WIF1: variants seen among roughly 807,000 people sequenced by gnomAD.
The protein encoded by WIF1 is Wnt inhibitory factor 1.
In WIF1, 35 loss-of-function variants were observed where a neutral mutation model predicts 53.5. That is an observed-to-expected ratio of 0.65 (90% CI 0.50 to 0.87). The LOEUF is 0.87. WIF1 is among the 40% of genes least tolerant of loss of function. The probability of loss-of-function intolerance (pLI) is 0.00; values close to 1 mark genes in which losing one functional copy is unlikely to be tolerated. For missense variants in WIF1, 467 were observed against 476.8 expected, an observed-to-expected ratio of 0.98 and a Z score of 0.19; for synonymous variants, 171 against 170.4, an observed-to-expected ratio of 1.00 and a Z score of -0.03.
At chr12:65,075,116 G>C (rs1323252181) in intron 3 of WIF1, among the ~76,000 whole-genome samples, 1 of 152,150 alleles carries the variant, frequency 6.6e-6, no homozygotes, top group Non-Finnish European at 1.5e-5. Context: ...GGTGCTGTTG[G>C]TTACACCTGC....
chr12:65,092,474 GTGTGTGTATATATA>G (rs559255080), intron 2 of WIF1, among the ~76,000 whole-genome samples: 74 of 124,680 alleles, frequency 5.9e-4, no homozygotes, highest in African/African-American at 1.7e-3. Flanking sequence ...GTATATGTGT[GTGTGTGTATATATA>G]TGTGTGTATA....
chr12:65,088,934 A>G (rs558488663), intron 2 of WIF1, among the ~76,000 whole-genome samples: 2 of 152,296 alleles, frequency 1.3e-5, no homozygotes, highest in African/African-American at 4.8e-5. Flanking sequence ...ATGACTCAAA[A>G]AAGTTAAGAA....
chr12:65,121,115 G>A lies in WIF1; in HGVS notation c.77C>T (p.Ala26Val). 1 of 1,546,668 alleles carries A rather than the reference G, an allele frequency of 6.5e-7. No individual in the cohort carries two copies. The highest frequency in any genetic ancestry group is 2.0e-5 in the Admixed American group (1 of 50,664). The change falls in exon 1 of 10, where the codon GCG becomes GTG. Residue 26 changes from alanine (A) to valine (V), a missense_variant. Transcript: ENST00000286574. ...SILLCLLALR[A>V]EAGPPQEESL... ...CTCCTCCTGCGGCGGCCCGGCCTCC[G>A]CCCGCAGTGCCAGCAGGCACAGGAG...
intron 3 of WIF1, among the ~76,000 whole-genome samples, chr12:65,073,100 C>A (rs912843226): frequency 6.6e-6 from 1 of 152,186 alleles, no homozygotes; most frequent in African/African-American, 2.4e-5. Context: ...AGTTGAGTCC[C>A]TGTCCTTACA....
rs1226121849 is a variant in WIF1 at position 65,079,164 on chromosome 12, C to CAAAA, written c.289-1314_289-1311dup. 5.1e-3 allele frequency among the ~76,000 whole-genome samples: 409 copies of CAAAA among 79,884 alleles called. 12 individuals are homozygous for CAAAA. The highest frequency in any genetic ancestry group is 0.037 in the East Asian group (95 of 2,562). The allele number at this position is 79,884 out of a possible 152,430, so 52.4% of individuals were successfully genotyped here. Reference sequence around the variant, plus strand: ...TGGGCAACAGAGCAAGACTCCATCTCAAAAAAAAAAAAAAAAAAAAGTGAA... The same window carrying CAAAA: ...TGGGCAACAGAGCAAGACTCCATCTCAAAAAAAAAAAAAAAAAAAAAAAAGTGAA... On this transcript the variant is annotated intron_variant, in intron 2 of 9. Transcript: ENST00000286574.
intron 3 of WIF1, among the ~76,000 whole-genome samples, chr12:65,069,794 G>T (rs1234725236): frequency 6.6e-6 from 1 of 152,086 alleles, no homozygotes; most frequent in African/African-American, 2.4e-5. Context: ...GGTGAAAATG[G>T]GGCAAATCAG....
intron 3 of WIF1, among the ~76,000 whole-genome samples, chr12:65,074,817 CAAAAAAAAAAAA>C (rs758690202): frequency 3.6e-5 from 2 of 55,452 alleles, no homozygotes; most frequent in African/African-American, 1.4e-4. Context: ...CACTCTGTCT[CAAAAAAAAAAAA>C]AAAAAAAAAG....
At chr12:65,113,905 G>A (rs1883470668) in intron 2 of WIF1, among the ~76,000 whole-genome samples, 1 of 152,134 alleles carries the variant, frequency 6.6e-6, no homozygotes, top group Admixed American at 6.5e-5. Context: ...CAGAAAATGA[G>A]GCATTTCCTC....
At chr12:65,095,106 T>TG (rs1883184282) in intron 2 of WIF1, among the ~76,000 whole-genome samples, 1 of 143,638 alleles carries the variant, frequency 7.0e-6, no homozygotes, top group South Asian at 2.2e-4. Flanking sequence ...CTAATTTTTG[T>TG]ATTTTTTTTT....
chr12:65,053,814 T>C (rs937097696), intron 9 of WIF1, among the ~76,000 whole-genome samples: 1 of 151,618 alleles, frequency 6.6e-6, no homozygotes, highest in African/African-American at 2.4e-5. Flanking sequence ...ACTTAGAAAT[T>C]AGAAAGACTA....
At chr12:65,068,456 C>G (rs575445989) in intron 4 of WIF1, among the ~76,000 whole-genome samples, 1 of 152,216 alleles carries the variant, frequency 6.6e-6, no homozygotes, top group African/African-American at 2.4e-5. Context: ...GGGTGAGATA[C>G]ACTGGGACTC....
At chr12:65,088,971 A>G (rs1465693934) in intron 2 of WIF1, among the ~76,000 whole-genome samples, 1 of 152,150 alleles carries the variant, frequency 6.6e-6, no homozygotes, top group Non-Finnish European at 1.5e-5. Flanking sequence ...TGATGTTCCC[A>G]GGAAACAACT....
chr12:65,093,134 A>G (rs1467967652), intron 2 of WIF1, among the ~76,000 whole-genome samples: 1 of 152,196 alleles, frequency 6.6e-6, no homozygotes, highest in Non-Finnish European at 1.5e-5. Context: ...ACATTTTATT[A>G]TGTCAGGTTG....
chr12:65,081,296 C>T (rs919991807), intron 2 of WIF1, among the ~76,000 whole-genome samples: 1 of 152,090 alleles, frequency 6.6e-6, no homozygotes, highest in Non-Finnish European at 1.5e-5. Context: ...GAAAGTGCAG[C>T]AATTTGCATA....
At chr12:65,116,167 T>G (rs1883505757) in intron 2 of WIF1, among the ~76,000 whole-genome samples, 1 of 152,140 alleles carries the variant, frequency 6.6e-6, no homozygotes, top group African/African-American at 2.4e-5. Context: ...TATTTTGTAA[T>G]GGAATCAAAC....
chr12:65,089,155 C>T (rs931598198), intron 2 of WIF1, among the ~76,000 whole-genome samples: 27 of 152,094 alleles, frequency 1.8e-4, no homozygotes, highest in African/African-American at 6.3e-4. Flanking sequence ...TCCCTTTGGA[C>T]TTAACATTGG....
chr12:65,114,465 C>A (rs1883479623), intron 2 of WIF1, among the ~76,000 whole-genome samples: 1 of 152,144 alleles, frequency 6.6e-6, no homozygotes, highest in African/African-American at 2.4e-5. Flanking sequence ...TTGGATGATA[C>A]TGAATGGAAT....
chr12:65,116,344 G>A (rs753625924), intron 2 of WIF1, among the ~76,000 whole-genome samples: 11 of 151,968 alleles, frequency 7.2e-5, no homozygotes, highest in East Asian at 1.9e-4. Context: ...GATCAGCAGC[G>A]GCATTAGGTT....
chr12:65,063,884 T>A (rs1025686000), intron 6 of WIF1, among the ~76,000 whole-genome samples: 5 of 151,798 alleles, frequency 3.3e-5, no homozygotes, highest in Non-Finnish European at 7.4e-5. Flanking sequence ...TGATTAAGTT[T>A]TGAATTTTTT....
Sources: gnomAD v4.1 joint callset for allele counts (sites outside exome capture counted in the v4.1 genomes callset) on GRCh38, gnomAD v4.1.1 for gene constraint, MANE v1.5 for transcripts, NCBI Gene and HGNC (gene_info 2026-07-23, HGNC 2026-07-21) for gene names.